Variants in CCDC88C observed in about 807,000 individuals in gnomAD.
CCDC88C encodes the protein coiled-coil and HOOK domain protein 88C.
CCDC88C carries 131 observed loss-of-function variants against 198.8 expected under a neutral mutation model. The ratio of observed to expected loss-of-function variants is 0.66; its 90% CI spans 0.57 to 0.76. CCDC88C has a LOEUF of 0.76. CCDC88C is among the 30% of genes least tolerant of loss of function. The probability of loss-of-function intolerance (pLI) is 0.00; values close to 1 mark genes in which losing one functional copy is unlikely to be tolerated. For missense variants in CCDC88C, 2,553 were observed against 2,631.6 expected, an observed-to-expected ratio of 0.97 and a Z score of 0.65; for synonymous variants, 1,166 against 1,114.7, an observed-to-expected ratio of 1.05 and a Z score of -0.92.
At chr14:91,413,217 G>GT (rs1886876573) in intron 2 of CCDC88C, among the ~76,000 whole-genome samples, 1 of 152,178 alleles carries the variant, frequency 6.6e-6, no homozygotes, top group South Asian at 2.1e-4. Context: ...GTACACGTAC[G>GT]TATGTCCACA....
At chr14:91,360,371 C>T (rs1208739475) in intron 3 of CCDC88C, among the ~76,000 whole-genome samples, 7 of 151,930 alleles carry the variant, frequency 4.6e-5, no homozygotes, top group Non-Finnish European at 2.9e-5. Context: ...TCGCTTGAAC[C>T]TGGGTGGTCG....
At chr14:91,345,166 T>TTATATATATA (rs758438547) in intron 4 of CCDC88C, among the ~76,000 whole-genome samples, 10 of 100,544 alleles carry the variant, frequency 9.9e-5, no homozygotes, top group African/African-American at 3.7e-4. Flanking sequence ...GAGGTTCAAT[T>TTATATATATA]TATATATATA....
rs570563754 is a variant in CCDC88C, at chr14:91,391,803, G to A, written c.270+16856C>T. 2.7e-3 allele frequency among the ~76,000 whole-genome samples: 403 copies of A among 152,054 alleles called. 2 individuals are homozygous for A. Among genetic ancestry groups the A allele is most frequent in the African/African-American group, 8.7e-3 (360 of 41,494 alleles). On this transcript the variant is annotated intron_variant, in intron 3 of 29. Coordinates refer to ENST00000389857, the MANE Select transcript of CCDC88C (RefSeq NM_001080414.4). ...CAAAAAGAAAAAGAAAAAAGAGGCA[G>A]CTTCCTAAAAGACCAGAAGTTACAT...
intron 3 of CCDC88C, among the ~76,000 whole-genome samples, chr14:91,374,825 T>G (rs1884285525): frequency 6.6e-6 from 1 of 152,182 alleles, no homozygotes; most frequent in Admixed American, 6.5e-5. Context: ...CAGGCACAGA[T>G]GACTGGTAGT....
rs913211953 is a variant in CCDC88C, at chr14:91,325,491, C to T, written c.1197+419G>A. ...TTCGTGGTAGCAGTGGCAGCAGCAACGGCAGTAGCAGCAACAAACCCAGTA... is the reference window on the plus strand; with the variant it reads ...TTCGTGGTAGCAGTGGCAGCAGCAATGGCAGTAGCAGCAACAAACCCAGTA... On this transcript the variant is annotated intron_variant, in intron 11 of 29. Coordinates refer to ENST00000389857, the MANE Select transcript of CCDC88C (RefSeq NM_001080414.4). This position sits in a 1 kb window ranked among gnomAD's most constrained non-coding sequence, Gnocchi z 4.1. Among the ~76,000 whole-genome samples, 17 of 152,192 alleles carry T rather than the reference C, an allele frequency of 1.1e-4. No homozygotes were observed. The East Asian group carries it at 1.3e-3, about 12-fold the overall frequency.
intron 2 of CCDC88C, among the ~76,000 whole-genome samples, chr14:91,413,886 G>C (rs1596178286): frequency 6.6e-6 from 1 of 152,234 alleles, no homozygotes; most frequent in East Asian, 1.9e-4. Context: ...CAAACTTGGG[G>C]TGAAGGAATC....
At chr14:91,331,419 GCCC>G (rs1567081025) in intron 10 of CCDC88C, among the ~76,000 whole-genome samples, 1 of 152,190 alleles carries the variant, frequency 6.6e-6, no homozygotes, top group African/African-American at 2.4e-5. Context: ...AGGAGCTGGG[GCCC>G]TGTCTCCAGG....
chr14:91,406,079 C>CT (rs1189139186), intron 3 of CCDC88C, among the ~76,000 whole-genome samples: 2 of 152,192 alleles, frequency 1.3e-5, no homozygotes, highest in Non-Finnish European at 2.9e-5. Flanking sequence ...GGCTGGCCAT[C>CT]TTTTACTTTG....
At chr14:91,406,216 C>T (rs1285832) in intron 3 of CCDC88C, among the ~76,000 whole-genome samples, 38,567 of 152,144 alleles carry the variant, frequency 0.25, 5,966 homozygotes, top group East Asian at 0.49. Flanking sequence ...GATGGACCCT[C>T]AGAGTGGCTG....
chr14:91,307,007 C>T lies in CCDC88C; in HGVS notation c.3195+31G>A, dbSNP rs374863363. On this transcript the variant is annotated intron_variant, in intron 18 of 29. Transcript: ENST00000389857. ...AAGGCAGTCTCTCTCTCTCTGTCCCCGATGGACCATGCCCAGGCCAGCCCA... is the reference window on the plus strand; with the variant it reads ...AAGGCAGTCTCTCTCTCTCTGTCCCTGATGGACCATGCCCAGGCCAGCCCA... 1.1e-4 allele frequency: 181 copies of T among 1,579,674 alleles called. No homozygotes were observed. In the Admixed American group the frequency reaches 1.2e-3, roughly 10 times the overall value.
chr14:91,293,045 G>A lies in CCDC88C; in HGVS notation c.4112+1128C>T, dbSNP rs1264006687. Among the ~76,000 whole-genome samples the A allele has an allele frequency of 8.8e-3, 909 of 102,826 alleles. 5 individuals are homozygous for A. The highest frequency in any genetic ancestry group is 0.017 in the Middle Eastern group (3 of 172). The allele number at this position is 102,826 out of a possible 152,430, so 67.5% of individuals were successfully genotyped here. ...TCACCTTCCCGTCCTCACCTGCCAC[G>A]GCTGACCTTCCTGTCCCCTCACCTG... On this transcript the variant is annotated intron_variant, in intron 23 of 29. Transcript: ENST00000389857.
chr14:91,286,590 T>G (rs1303108620), intron 25 of CCDC88C, among the ~76,000 whole-genome samples: 1 of 152,226 alleles, frequency 6.6e-6, no homozygotes, highest in African/African-American at 2.4e-5. Flanking sequence ...AGGATTAAAG[T>G]TGATACCAGG....
At position 91,320,135 on chromosome 14, in the gene CCDC88C, T is replaced by C. The variant is rs573761718; in HGVS notation, c.1527+985A>G. 5.3e-4 allele frequency among the ~76,000 whole-genome samples: 81 copies of C among 152,006 alleles called. 1 individual carries two copies. The highest frequency in any genetic ancestry group is 7.1e-4 in the Non-Finnish European group (48 of 68,018). ...ATCTCCAAAGGGATAGGTGTCTTTCTTGTATGCTAAGATGAATGAGGACTG... is the reference window on the plus strand; with the variant it reads ...ATCTCCAAAGGGATAGGTGTCTTTCCTGTATGCTAAGATGAATGAGGACTG... On this transcript the variant is annotated intron_variant, in intron 13 of 29. Coordinates refer to ENST00000389857, the MANE Select transcript of CCDC88C (RefSeq NM_001080414.4).
chr14:91,310,650 T>C (rs1336135433), intron 15 of CCDC88C, among the ~76,000 whole-genome samples: 1 of 152,178 alleles, frequency 6.6e-6, no homozygotes, highest in Non-Finnish European at 1.5e-5. Context: ...CCTCAAGCAA[T>C]CTTTCTACCT....
chr14:91,324,087 C>T (rs905358514), intron 12 of CCDC88C, among the ~76,000 whole-genome samples: 4 of 152,248 alleles, frequency 2.6e-5, no homozygotes, highest in South Asian at 2.1e-4. Flanking sequence ...TGCACGGGAA[C>T]GGTGAGCGTG....
chr14:91,285,448 C>G (rs767481265), intron 25 of CCDC88C: 7 of 462,686 alleles, frequency 1.5e-5, no homozygotes, highest in South Asian at 1.1e-4. Context: ...TGAGGCTCCC[C>G]CTAAAACTGT....
At chr14:91,380,542 T>C (rs564781434) in intron 3 of CCDC88C, among the ~76,000 whole-genome samples, 1 of 34,794 alleles carries the variant, frequency 2.9e-5, no homozygotes, top group African/African-American at 8.8e-5. Context: ...ACAAGCAAGA[T>C]TGGCTCCATC....
chr14:91,412,723 C>A (rs569721935), intron 2 of CCDC88C, among the ~76,000 whole-genome samples: 11 of 152,294 alleles, frequency 7.2e-5, no homozygotes, highest in Admixed American at 4.6e-4. Context: ...GCGTGAGCCA[C>A]CGTGCCCAGC....
At position 91,313,112 on chromosome 14, in the gene CCDC88C, C is replaced by T. The variant is rs755522236; in HGVS notation, c.2704G>A (p.Val902Met). The change falls in exon 15 of 30, where the codon GTG becomes ATG. Residue 902 changes from valine to methionine, a missense_variant. By Grantham distance (21) the Val-to-Met change is conservative. This residue lies in a region of CCDC88C where 1,260 missense variants were observed against 1,412.0 expected (regional missense o/e 0.89). Transcript: ENST00000389857. The surrounding 1 kb of genome is among the most constrained non-coding windows in gnomAD (Gnocchi z 5.2). ...DNRDLTKQVT[V>M]HARTLTTLRE... is the part of the protein sequence containing the mutation. ...AGAGTTGTCAGTGTCCTTGCATGCA[C>T]GGTGACTTGCTTGGTGAGGTCCCGG... 25 of 1,600,406 alleles carry T rather than the reference C, an allele frequency of 1.6e-5. No individual in the cohort carries two copies. Among genetic ancestry groups the T allele is most frequent in the East Asian group, 1.1e-4 (5 of 44,658 alleles).
Sources: gnomAD v4.1 joint callset for allele counts (sites outside exome capture counted in the v4.1 genomes callset) on GRCh38, gnomAD v4.1.1 for gene constraint, gnomAD v4.1.1 regional missense constraint, Gnocchi (gnomAD v3.1) non-coding constraint, MANE v1.5 for transcripts, NCBI Gene and HGNC (gene_info 2026-07-23, HGNC 2026-07-21) for gene names.